PCDHA4: variants seen among roughly 807,000 people sequenced by gnomAD.
The protein encoded by PCDHA4 is protocadherin alpha-4.
A neutral mutation model predicts 61.4 loss-of-function variants in PCDHA4; 49 were observed. The observed-to-expected ratio is 0.80, with a 90% confidence interval of 0.63 to 1.01. PCDHA4 has a LOEUF of 1.01. Among genes scored for constraint, PCDHA4 ranks in the 50% least tolerant of loss-of-function variants. The pLI, the probability that PCDHA4 is intolerant of heterozygous loss-of-function variation, is 0.00. For missense variants in PCDHA4, 1,254 were observed against 1,235.8 expected (o/e 1.01, Z -0.22); for synonymous variants, 590 against 550.3 (o/e 1.07, Z -1.01).
rs144574743 is a variant in PCDHA4, at chr5:140,848,603, G to C, written c.2385+39031G>C. ...GCGGCCAGCTCCACTACTCCGTCCCGGAGGAAGCCGAACACGGCACCTTCG... is the reference window on the plus strand; with the variant it reads ...GCGGCCAGCTCCACTACTCCGTCCCCGAGGAAGCCGAACACGGCACCTTCG... On this transcript the variant is annotated intron_variant, in intron 1 of 3. Transcript: ENST00000530339. 5,441 of 1,581,086 alleles carry C rather than the reference G, an allele frequency of 3.4e-3. 700 individuals are homozygous for C. Among genetic ancestry groups the C allele is most frequent in the Middle Eastern group, 0.011 (64 of 5,726 alleles).
intron 1 of PCDHA4, among the ~76,000 whole-genome samples, chr5:140,910,650 C>T (rs565503828): frequency 6.6e-6 from 1 of 152,312 alleles, no homozygotes; most frequent in East Asian, 1.9e-4. Flanking sequence ...CCTTTTGATC[C>T]CTTCCTCTAC....
rs782631991 is a variant in PCDHA4, at chr5:140,966,741, G to C, written c.2386-12208G>C. The C allele has an allele frequency of 7.5e-4, 1,063 of 1,421,208 alleles. 1 individual carries two copies. The highest frequency in any genetic ancestry group is 9.1e-4 in the Non-Finnish European group (995 of 1,093,108). The allele number at this position is 1,421,208 out of a possible 1,614,324, so 88.0% of individuals were successfully genotyped here. Reference sequence around the variant, plus strand: ...GAAGCTGCCGCCTCCGGCCCTGCCCGGCTGCCTCCGCCGCGGCCAGTGGCT... The same window carrying C: ...GAAGCTGCCGCCTCCGGCCCTGCCCCGCTGCCTCCGCCGCGGCCAGTGGCT... On this transcript the variant is annotated intron_variant, in intron 1 of 3. Transcript: ENST00000530339.
chr5:140,842,521 C>A (rs144333530), intron 1 of PCDHA4: 1 of 1,613,390 alleles, frequency 6.2e-7, no homozygotes, highest in African/African-American at 1.3e-5. Context: ...TGGTGTCCAC[C>A]TTCAAGAATT....
At chr5:140,967,652 T>A in intron 1 of PCDHA4, 1 of 1,614,152 alleles carries the variant, frequency 6.2e-7, no homozygotes, top group South Asian at 1.1e-5. Flanking sequence ...CAGGTACTCC[T>A]TGAGCAGCTA....
At chr5:140,810,208 C>T (rs1334242094) in intron 1 of PCDHA4, 1 of 152,202 alleles carries the variant, frequency 6.6e-6, no homozygotes, top group African/African-American at 2.4e-5. Context: ...AGTACTATTT[C>T]ATAAATATAC....
intron 1 of PCDHA4, among the ~76,000 whole-genome samples, chr5:140,926,138 T>C (rs2082936633): frequency 6.6e-6 from 1 of 152,004 alleles, no homozygotes; most frequent in African/African-American, 2.4e-5. Flanking sequence ...CGCAGCAGGA[T>C]CCAGCGCGGA....
chr5:140,839,939 G>T (rs1015505565), intron 1 of PCDHA4, among the ~76,000 whole-genome samples: 3 of 151,962 alleles, frequency 2.0e-5, no homozygotes, highest in Non-Finnish European at 4.4e-5. Context: ...AGTGTGCCAA[G>T]AAGGAGACAA....
At chr5:140,856,818 A>G in intron 1 of PCDHA4, 1 of 1,593,074 alleles carries the variant, frequency 6.3e-7, no homozygotes, top group Non-Finnish European at 8.6e-7. Flanking sequence ...CAAGTGAACC[A>G]AACATTAGTA....
Position 140,807,690 on chromosome 5 carries a change from T to C in PCDHA4, c.503T>C (p.Leu168Pro). 5 of 1,614,210 alleles carry C rather than the reference T, an allele frequency of 3.1e-6. No individual in the cohort carries two copies. Among genetic ancestry groups the C allele is most frequent in the Non-Finnish European group, 4.2e-6 (5 of 1,180,040 alleles). ...GCAGATATCGGGGAGAACGCCCTGC[T>C]CACTTACAGACTGAGCCCAAATGAA... ...SDADIGENAL[L>P]TYRLSPNEYF... Residue 168 changes from leucine to proline, a missense_variant, in exon 1 of 4, where the codon CTC becomes CCC. Coordinates refer to ENST00000530339, the MANE Select transcript of PCDHA4 (RefSeq NM_018907.4).
At chr5:140,870,416 C>T in intron 1 of PCDHA4, 1 of 1,614,230 alleles carries the variant, frequency 6.2e-7, no homozygotes, top group Non-Finnish European at 8.5e-7. Flanking sequence ...TGGGCCACGG[C>T]CAGGGTATCC....
At chr5:140,840,258 A>T (rs1776629657) in intron 1 of PCDHA4, among the ~76,000 whole-genome samples, 1 of 151,990 alleles carries the variant, frequency 6.6e-6, no homozygotes, top group South Asian at 2.1e-4. Context: ...AAAAATTGTG[A>T]TTTTTTAATG....
chr5:140,981,940 T>A (rs2096958372), intron 2 of PCDHA4, among the ~76,000 whole-genome samples: 1 of 152,160 alleles, frequency 6.6e-6, no homozygotes, highest in Non-Finnish European at 1.5e-5. Flanking sequence ...TCAGGAAATA[T>A]AGGGTGGGTC....
intron 1 of PCDHA4, chr5:140,836,879 C>T: frequency 1.5e-6 from 1 of 674,888 alleles, no homozygotes; most frequent in South Asian, 2.5e-5. Flanking sequence ...TGTATTTGCA[C>T]TAATTATTTG....
At chr5:140,855,043 A>G (rs1177113480) in intron 1 of PCDHA4, among the ~76,000 whole-genome samples, 1 of 150,018 alleles carries the variant, frequency 6.7e-6, no homozygotes, top group African/African-American at 2.4e-5. Flanking sequence ...TTTTTCTGTA[A>G]TAGTACTTTT....
At chr5:140,992,295 A>G (rs2097504334) in intron 3 of PCDHA4, among the ~76,000 whole-genome samples, 1 of 152,134 alleles carries the variant, frequency 6.6e-6, no homozygotes, top group African/African-American at 2.4e-5. Flanking sequence ...AAAGGATGGG[A>G]GTATTGTTTT....
intron 1 of PCDHA4, among the ~76,000 whole-genome samples, chr5:140,933,543 A>C (rs888580290): frequency 6.6e-6 from 1 of 152,092 alleles, no homozygotes; most frequent in Non-Finnish European, 1.5e-5. Flanking sequence ...AATAATGTTA[A>C]TATAAAATAA....
intron 1 of PCDHA4, chr5:140,825,399 A>G (rs1460047226): frequency 2.7e-5 from 4 of 145,886 alleles, no homozygotes; most frequent in Non-Finnish European, 6.0e-5. Flanking sequence ...TATCTAATAT[A>G]TTATATATTT....
At position 140,809,467 on chromosome 5, in the gene PCDHA4, TG is replaced by T. The variant is rs1480509139; in HGVS notation, c.2282del (p.Gly761ValfsTer49). The part of the protein sequence containing the change: ...SQQRRPRVCS[G>X]EGPPKTDLMA... ...AGCAGAGGAGGCCGAGGGTGTGCTC[TG>T]GTGAGGGCCCACCCAAGACCGACCT... On this transcript the variant is annotated frameshift_variant, in exon 1 of 4. Transcript: ENST00000530339. LOFTEE classifies it high-confidence loss of function. 2 of 1,614,124 alleles carry T rather than the reference TG, an allele frequency of 1.2e-6. No homozygotes were observed. Among genetic ancestry groups the T allele is most frequent in the East Asian group, 4.5e-5 (2 of 44,890 alleles).
At chr5:140,812,204 C>T (rs1765061250) in intron 1 of PCDHA4, 1 of 151,604 alleles carries the variant, frequency 6.6e-6, no homozygotes, top group South Asian at 2.1e-4. Flanking sequence ...TTACTAGTTA[C>T]AGCTTTGTTT....
Sources: gnomAD v4.1 joint callset for allele counts (sites outside exome capture counted in the v4.1 genomes callset) on GRCh38, gnomAD v4.1.1 for gene constraint, MANE v1.5 for transcripts, NCBI Gene and HGNC (gene_info 2026-07-23, HGNC 2026-07-21) for gene names.